AP3S2: variants seen among roughly 807,000 people sequenced by gnomAD.
AP3S2 encodes the protein adaptor related protein complex 3 subunit sigma 2.
Under a neutral mutation model 23.4 loss-of-function variants are expected in AP3S2, and 22 were observed. That is an observed-to-expected ratio of 0.94 (90% CI 0.67 to 1.34). The LOEUF (loss-of-function observed/expected upper bound fraction) is 1.34, where lower values mean the gene tolerates loss of function less well. Ranked by LOEUF, AP3S2 falls within the 40% of genes most tolerant of loss-of-function variation. The pLI is 0.00. For missense variants in AP3S2, 241 were observed against 236.9 expected (o/e 1.02, Z -0.11); for synonymous variants, 86 against 87.1 (o/e 0.99, Z 0.07).
At chr15:89,856,466 C>T (rs1016432646) in intron 4 of AP3S2, among the ~76,000 whole-genome samples, 5 of 150,964 alleles carry the variant, frequency 3.3e-5, no homozygotes, top group Admixed American at 1.3e-4. Context: ...TTTGGGAGGC[C>T]GAGGTGGACA....
intron 4 of AP3S2, among the ~76,000 whole-genome samples, chr15:89,869,583 A>G (rs7167267): frequency 0.044 from 6,540 of 148,562 alleles, 386 homozygotes; most frequent in African/African-American, 0.14. Context: ...AAAAAAAAAA[A>G]AAAGAAAACT....
At chr15:89,869,045 C>T (rs1173552391) in intron 4 of AP3S2, among the ~76,000 whole-genome samples, 1 of 151,528 alleles carries the variant, frequency 6.6e-6, no homozygotes. Context: ...CCCCTCTGCC[C>T]GGCCACCACC....
intron 3 of AP3S2, among the ~76,000 whole-genome samples, chr15:89,881,142 A>G (rs1304286011): frequency 6.6e-6 from 1 of 152,230 alleles, no homozygotes; most frequent in Non-Finnish European, 1.5e-5. Context: ...ATAAAGGCCC[A>G]GACACAAAAA....
chr15:89,883,817 G>A (rs1267135619), intron 3 of AP3S2: 1 of 152,184 alleles, frequency 6.6e-6, no homozygotes, highest in East Asian at 1.9e-4. Flanking sequence ...GGGGAAAGGG[G>A]AAGAAGGATA....
At chr15:89,875,263 G>C (rs1313199495) in intron 3 of AP3S2, among the ~76,000 whole-genome samples, 1 of 152,200 alleles carries the variant, frequency 6.6e-6, no homozygotes, top group Non-Finnish European at 1.5e-5. Context: ...TTTCATTAAA[G>C]ATGTTTCATG....
At chr15:89,891,922 T>G (rs915586292) in intron 1 of AP3S2, among the ~76,000 whole-genome samples, 4 of 152,062 alleles carry the variant, frequency 2.6e-5, no homozygotes, top group African/African-American at 9.7e-5. Flanking sequence ...TAAGTCCACA[T>G]AAAAACTTGC....
intron 4 of AP3S2, among the ~76,000 whole-genome samples, chr15:89,844,912 T>G (rs1270827743): frequency 6.6e-6 from 1 of 152,196 alleles, no homozygotes; most frequent in Non-Finnish European, 1.5e-5. Flanking sequence ...TAATTTTCTT[T>G]TCTTTTTTTT....
At chr15:89,867,845 T>C (rs1156692448) in intron 4 of AP3S2, among the ~76,000 whole-genome samples, 4 of 104,034 alleles carry the variant, frequency 3.8e-5, no homozygotes, top group African/African-American at 1.1e-4. Context: ...GTGAGGAGCC[T>C]CTCCGCCCGG....
At chr15:89,841,968 G>A in intron 4 of AP3S2, among the ~76,000 whole-genome samples, 1 of 151,852 alleles carries the variant, frequency 6.6e-6, no homozygotes, top group East Asian at 1.9e-4. Context: ...TTTACACAAA[G>A]AAAAAAAGAA....
intron 3 of AP3S2, 23 bp from the exon 4 acceptor site, chr15:89,871,569 T>C (rs932864373): frequency 6.2e-7 from 1 of 1,610,782 alleles, no homozygotes. Context: ...GAGAAATAGA[T>C]AAAGAAGAGA....
At chr15:89,885,934 CAA>C (rs34323747) in intron 3 of AP3S2, among the ~76,000 whole-genome samples, 29,676 of 105,326 alleles carry the variant, frequency 0.28, 3,242 homozygotes, top group South Asian at 0.37. Flanking sequence ...GACCTTGTCT[CAA>C]AAAAAAAAAA....
chr15:89,880,808 A>G (rs1176988482), intron 3 of AP3S2, among the ~76,000 whole-genome samples: 1 of 152,258 alleles, frequency 6.6e-6, no homozygotes, highest in Non-Finnish European at 1.5e-5. Flanking sequence ...TTAAATGTTT[A>G]TTCAACCATT....
At chr15:89,879,911 T>C (rs1433954667) in intron 3 of AP3S2, among the ~76,000 whole-genome samples, 3 of 151,708 alleles carry the variant, frequency 2.0e-5, no homozygotes, top group Non-Finnish European at 4.4e-5. Flanking sequence ...CTCCAAATTA[T>C]ATAACAAACT....
At chr15:89,847,397 A>C (rs1257085601) in intron 4 of AP3S2, among the ~76,000 whole-genome samples, 5 of 150,138 alleles carry the variant, frequency 3.3e-5, no homozygotes, top group Non-Finnish European at 2.9e-5. Context: ...AAAAAAAAAA[A>C]AAAAAAGTAG....
chr15:89,891,464 G>A (rs144735795), intron 1 of AP3S2, among the ~76,000 whole-genome samples: 20 of 152,264 alleles, frequency 1.3e-4, no homozygotes, highest in African/African-American at 4.8e-4. Context: ...TTCGAGACCA[G>A]CCTGGCCAAC....
intron 3 of AP3S2, among the ~76,000 whole-genome samples, chr15:89,882,101 T>A (rs1896583622): frequency 6.6e-6 from 1 of 151,776 alleles, no homozygotes; most frequent in Non-Finnish European, 1.5e-5. Context: ...GGGTTACAGG[T>A]GTGAGCCACC....
intron 3 of AP3S2, among the ~76,000 whole-genome samples, chr15:89,883,010 C>T (rs902768856): frequency 6.6e-6 from 1 of 152,146 alleles, no homozygotes; most frequent in African/African-American, 2.4e-5. Flanking sequence ...GAGTTTGTAG[C>T]TCCATTTGTT....
At position 89,880,511 on chromosome 15, in the gene AP3S2, TA is replaced by T. The variant is rs1896545494; in HGVS notation, c.273+8009del. 2.0e-5 allele frequency among the ~76,000 whole-genome samples: 3 copies of T among 151,958 alleles called. No homozygotes were observed. In the South Asian group the frequency reaches 6.2e-4, roughly 32 times the overall value. On this transcript the variant is annotated intron_variant, in intron 3 of 5. Transcript: ENST00000336418. ...AACATGGTGAAACCCCCGACTCTACTAAAAATACAAAAATTAGCCAGGTGCG... is the reference window on the plus strand; with the variant it reads ...AACATGGTGAAACCCCCGACTCTACTAAAATACAAAAATTAGCCAGGTGCG...
intron 1 of AP3S2, among the ~76,000 whole-genome samples, chr15:89,891,134 G>T (rs1596225943): frequency 6.6e-6 from 1 of 152,286 alleles, no homozygotes; most frequent in Non-Finnish European, 1.5e-5. Context: ...GGTACGAAAT[G>T]ATGAGGCTAC....
Sources: allele counts gnomAD v4.1 joint callset (sites outside exome capture counted in the v4.1 genomes callset), GRCh38; gene constraint gnomAD v4.1.1; transcripts MANE v1.5; gene names NCBI Gene and HGNC (gene_info 2026-07-23, HGNC 2026-07-21).